The following FRAS1 variants were observed in gnomAD, a reference collection of about 807,000 sequenced individuals.
FRAS1 encodes Fraser extracellular matrix complex subunit 1, also known as extracellular matrix organizing protein FRAS1.
Under a neutral mutation model 435.2 loss-of-function variants are expected in FRAS1, and 290 were observed. The observed-to-expected ratio is 0.67, with a 90% CI of 0.61 to 0.73. FRAS1 has a LOEUF of 0.73. Among genes scored for constraint, FRAS1 ranks in the 30% least tolerant of loss-of-function variants. The pLI is 0.00. For synonymous variants in FRAS1, 1,800 were observed against 1,851.0 expected, an observed-to-expected ratio of 0.97 and a Z score of 0.71; for missense variants, 4,860 against 5,001.5, an observed-to-expected ratio of 0.97 and a Z score of 0.85.
In FRAS1 at chr4:78,229,825, A is replaced by G. The variant is rs140741441; in HGVS notation, c.109-7685A>G. Among the ~76,000 whole-genome samples, 9 of 152,272 alleles carry G rather than the reference A, an allele frequency of 5.9e-5. 1 individual carries two copies. In the East Asian group the frequency reaches 1.7e-3, roughly 29 times the overall value. On this transcript the variant is annotated intron_variant, in intron 2 of 73. Transcript: ENST00000512123. ...TTTCACACCTTATTCCCTCATTTAT[A>G]AAATCAGAGTCATGATGTCAGTTTC...
chr4:78,306,165 T>C (rs930738350), intron 14 of FRAS1, among the ~76,000 whole-genome samples: 5 of 152,126 alleles, frequency 3.3e-5, no homozygotes, highest in Non-Finnish European at 5.9e-5. Flanking sequence ...GAAAATTCTT[T>C]TCTTTAAGAA....
chr4:78,218,173 A>G (rs1357712767), intron 2 of FRAS1, among the ~76,000 whole-genome samples: 5 of 146,216 alleles, frequency 3.4e-5, no homozygotes, highest in Non-Finnish European at 7.5e-5. Flanking sequence ...ATGAAGTATG[A>G]TAATTCTGTC....
At chr4:78,415,441 T>A (rs1733516611) in intron 32 of FRAS1, among the ~76,000 whole-genome samples, 1 of 152,204 alleles carries the variant, frequency 6.6e-6, no homozygotes, top group Admixed American at 6.5e-5. Flanking sequence ...TGTTTTCTAA[T>A]TCAGTGGATC....
In FRAS1 at chr4:78,515,536, T is replaced by A. The variant is rs550735465; in HGVS notation, c.10175-263T>A. 4.6e-5 allele frequency among the ~76,000 whole-genome samples: 7 copies of A among 152,258 alleles called. No homozygotes were observed. The South Asian group carries it at 1.5e-3, about 32-fold the overall frequency. ...AGTTCTGCCGCCTTCATTCATGGTA[T>A]CATTTGCTCACCTTTTCCTCCCTGG... On this transcript the variant is annotated intron_variant, in intron 65 of 73. Coordinates refer to ENST00000512123, the MANE Select transcript of FRAS1 (RefSeq NM_025074.7).
At position 78,245,228 on chromosome 4, in the gene FRAS1, C is replaced by T. The variant is rs1380620140; in HGVS notation, c.217-5C>T. 6.3e-7 allele frequency: 1 copy of T among 1,597,844 alleles called. No individual in the cohort carries two copies. On this transcript the variant is annotated splice_polypyrimidine_tract_variant and splice_region_variant and intron_variant, in intron 3 of 73. Coordinates refer to ENST00000512123, the MANE Select transcript of FRAS1 (RefSeq NM_025074.7). ...TTTTACTTTGAGCTGCTTTTAAATG[C>T]TCAGGGAGAAGTGCTTCAAATAGCT...
intron 32 of FRAS1, among the ~76,000 whole-genome samples, chr4:78,418,391 A>G (rs74661621): frequency 0.044 from 6,680 of 152,172 alleles, 515 homozygotes; most frequent in African/African-American, 0.15. Context: ...CTGGGGGACA[A>G]TGCTCTGAAG....
intron 35 of FRAS1, among the ~76,000 whole-genome samples, chr4:78,426,655 C>T (rs1190561317): frequency 2.0e-5 from 3 of 152,172 alleles, no homozygotes; most frequent in Non-Finnish European, 4.4e-5. Context: ...AATGCAGAAG[C>T]TCTGGAGAGC....
chr4:78,097,013 T>C (rs543293940), intron 2 of FRAS1, among the ~76,000 whole-genome samples: 1 of 152,346 alleles, frequency 6.6e-6, no homozygotes, highest in East Asian at 1.9e-4. Context: ...ACTGAATGCC[T>C]TTAACAGCAC....
intron 2 of FRAS1, among the ~76,000 whole-genome samples, chr4:78,214,771 G>C (rs780249914): frequency 1.7e-4 from 26 of 152,156 alleles, no homozygotes; most frequent in Non-Finnish European, 2.6e-4. Flanking sequence ...GCTGTTGCTG[G>C]CTGTTTATTT....
chr4:78,215,854 C>T (rs1487998330), intron 2 of FRAS1, among the ~76,000 whole-genome samples: 1 of 152,204 alleles, frequency 6.6e-6, no homozygotes, highest in Admixed American at 6.5e-5. Flanking sequence ...ATTCATCTGT[C>T]GACAGACACT....
chr4:78,080,952 T>C (rs763305204), intron 2 of FRAS1, among the ~76,000 whole-genome samples: 11 of 152,196 alleles, frequency 7.2e-5, no homozygotes, highest in Admixed American at 6.5e-5. Flanking sequence ...CTCTTTCCTG[T>C]GCTGGAGAAA....
At chr4:78,317,550 A>G in intron 17 of FRAS1, 42 bp downstream of exon 17, 1 of 1,558,320 alleles carries the variant, frequency 6.4e-7, no homozygotes, top group South Asian at 1.2e-5. Flanking sequence ...GCTATCCCAC[A>G]AGAACATAGA....
At position 78,452,369 on chromosome 4, in the gene FRAS1, T is replaced by A. The variant is rs528030899; in HGVS notation, c.6763+15T>A. On this transcript the variant is annotated intron_variant, in intron 47 of 73. Transcript: ENST00000512123. ...AGCATCACCAGGTAAGTCTATCATC[T>A]CTTGATTTACTGAATCAAAACTTAG... 6.3e-7 allele frequency: 1 copy of A among 1,580,394 alleles called. No individual in the cohort carries two copies. The highest frequency in any genetic ancestry group is 1.4e-5 in the African/African-American group (1 of 72,964).
intron 2 of FRAS1, among the ~76,000 whole-genome samples, chr4:78,077,361 C>G (rs1740689915): frequency 6.6e-6 from 1 of 152,076 alleles, no homozygotes; most frequent in Non-Finnish European, 1.5e-5. Context: ...CAGACGGAGA[C>G]CCTGTCTCAA....
intron 2 of FRAS1, among the ~76,000 whole-genome samples, chr4:78,125,336 G>A (rs907592764): frequency 6.6e-6 from 1 of 152,186 alleles, no homozygotes; most frequent in African/African-American, 2.4e-5. Context: ...TAATTTGATT[G>A]CACTGTGGTC....
intron 2 of FRAS1, among the ~76,000 whole-genome samples, chr4:78,166,466 A>G (rs1332778439): frequency 6.6e-6 from 1 of 152,196 alleles, no homozygotes; most frequent in East Asian, 1.9e-4. Flanking sequence ...ACATATGAAG[A>G]CAGAAAAAGT....
At chr4:78,254,745 T>C (rs1725709349) in intron 5 of FRAS1, among the ~76,000 whole-genome samples, 1 of 135,842 alleles carries the variant, frequency 7.4e-6, no homozygotes, top group Non-Finnish European at 1.7e-5. Context: ...GAGAAAAAGC[T>C]TTTTTGTTGT....
At chr4:78,129,484 A>G (rs185424246) in intron 2 of FRAS1, among the ~76,000 whole-genome samples, 1 of 152,304 alleles carries the variant, frequency 6.6e-6, no homozygotes, top group East Asian at 1.9e-4. Context: ...AGAAGTGGCC[A>G]TGGCCCCCTG....
At position 78,441,231 on chromosome 4, in the gene FRAS1, C is replaced by A. The variant is rs769534248; in HGVS notation, c.5599C>A (p.Gln1867Lys). The change falls in exon 41 of 74, where the codon CAG becomes AAG. Residue 1867 changes from glutamine to lysine, a missense_variant. Coordinates refer to ENST00000512123, the MANE Select transcript of FRAS1 (RefSeq NM_025074.7). ...FFATDDDDNL[Q>K]RDAIIKLSAL... ...TGCTACTGATGATGATGACAACCTCCAGAGAGATGCCATCATTAAACTAAG... is the reference window on the plus strand; with the variant it reads ...TGCTACTGATGATGATGACAACCTCAAGAGAGATGCCATCATTAAACTAAG... 6.2e-7 allele frequency: 1 copy of A among 1,613,612 alleles called. No individual in the cohort carries two copies. The highest frequency in any genetic ancestry group is 8.5e-7 in the Non-Finnish European group (1 of 1,179,708).
Sources: gnomAD v4.1 joint callset for allele counts (sites outside exome capture counted in the v4.1 genomes callset) on GRCh38, gnomAD v4.1.1 for gene constraint, MANE v1.5 for transcripts, NCBI Gene and HGNC (gene_info 2026-07-23, HGNC 2026-07-21) for gene names.